ROBO2: variants seen among roughly 807,000 people sequenced by gnomAD.
ROBO2 encodes the protein roundabout guidance receptor 2.
Under a neutral mutation model 160.8 loss-of-function variants are expected in ROBO2, and 53 were observed. The observed-to-expected ratio is 0.33, with a 90% CI of 0.26 to 0.41. The LOEUF (loss-of-function observed/expected upper bound fraction) is 0.41. ROBO2 is among the 10% of genes least tolerant of loss of function. ROBO2 has a pLI of 1.00. For synonymous variants in ROBO2, 664 were observed against 611.7 expected (o/e 1.09, Z -1.26); for missense variants, 1,577 against 1,722.4 (o/e 0.92, Z 1.49).
chr3:77,450,618 G>A (rs1377650390), intron 2 of ROBO2, among the ~76,000 whole-genome samples: 1 of 152,014 alleles, frequency 6.6e-6, no homozygotes, highest in African/African-American at 2.4e-5. Flanking sequence ...ATATGAAAAA[G>A]TTTTAAATAT....
chr3:76,837,560 G>A (rs2067815468), intron 2 of ROBO2, among the ~76,000 whole-genome samples: 1 of 149,822 alleles, frequency 6.7e-6, no homozygotes, highest in Non-Finnish European at 1.5e-5. Flanking sequence ...TTGCAGTAGT[G>A]CAATTAGCTC....
intron 1 of ROBO2, among the ~76,000 whole-genome samples, chr3:75,907,582 C>T (rs1946401689): frequency 6.6e-6 from 1 of 152,092 alleles, no homozygotes; most frequent in Admixed American, 6.5e-5. Flanking sequence ...ACTTCATCTC[C>T]TCTTTATCCT....
chr3:77,269,777 C>T (rs944669444), intron 2 of ROBO2, among the ~76,000 whole-genome samples: 2 of 152,032 alleles, frequency 1.3e-5, no homozygotes, highest in African/African-American at 4.8e-5. Flanking sequence ...TTCTGCTTAC[C>T]ATGTATTCAA....
At position 77,002,688 on chromosome 3, in the gene ROBO2, T is replaced by C. The variant is rs2061391938; in HGVS notation, c.110-95326T>C. 1.3e-5 allele frequency among the ~76,000 whole-genome samples: 2 copies of C among 152,134 alleles called. 1 individual carries two copies. The highest frequency in any genetic ancestry group is 4.1e-4 in the South Asian group (2 of 4,830). On this transcript the variant is annotated intron_variant, in intron 2 of 26. Coordinates refer to the ROBO2 transcript ENST00000487694. ...CAAATAATTTCAATTTGGATTTTAGTCTTCAATGATATCTTTTTGTCTCAG... is the reference window on the plus strand; with the variant it reads ...CAAATAATTTCAATTTGGATTTTAGCCTTCAATGATATCTTTTTGTCTCAG...
At chr3:76,121,881 G>C (rs1312860132) in intron 2 of ROBO2, among the ~76,000 whole-genome samples, 1 of 152,124 alleles carries the variant, frequency 6.6e-6, no homozygotes, top group East Asian at 1.9e-4. Context: ...CAGCCAAATA[G>C]ACTCTCTGAA....
At chr3:76,978,943 TTAA>T (rs2059949464) in intron 2 of ROBO2, among the ~76,000 whole-genome samples, 8 of 145,566 alleles carry the variant, frequency 5.5e-5, no homozygotes, top group East Asian at 2.0e-4. Context: ...TGTTTGTTTT[TTAA>T]AAAAAAAAAA....
At chr3:76,421,680 C>T (rs893094909) in intron 2 of ROBO2, among the ~76,000 whole-genome samples, 17 of 151,586 alleles carry the variant, frequency 1.1e-4, no homozygotes, top group Admixed American at 9.2e-4. Context: ...AAGCAGAGAT[C>T]GTGCCATTAC....
chr3:77,125,228 T>C (rs114255978), intron 2 of ROBO2, among the ~76,000 whole-genome samples: 79 of 152,250 alleles, frequency 5.2e-4, no homozygotes, highest in African/African-American at 1.7e-3. Context: ...ATAGTTGTGG[T>C]CTGTCTGCAC....
chr3:76,439,864 C>G (rs545464796), intron 2 of ROBO2, among the ~76,000 whole-genome samples: 1 of 152,158 alleles, frequency 6.6e-6, no homozygotes. Flanking sequence ...TTCACACTCC[C>G]ACGATGGGTA....
intron 2 of ROBO2, among the ~76,000 whole-genome samples, chr3:76,959,633 T>A (rs536613289): frequency 6.6e-6 from 1 of 152,188 alleles, no homozygotes; most frequent in South Asian, 2.1e-4. Flanking sequence ...AGATTAATGA[T>A]ACGAGTGCAT....
At position 76,584,351 on chromosome 3, in the gene ROBO2, G is replaced by A. The variant is rs913700695; in HGVS notation, c.110-513663G>A. Among the ~76,000 whole-genome samples the A allele has an allele frequency of 4.6e-5, 7 of 152,072 alleles. No homozygotes were observed. In the East Asian group the frequency reaches 5.8e-4, roughly 13 times the overall value. On this transcript the variant is annotated intron_variant, in intron 2 of 26. Transcript: ENST00000487694. ...TTCCCCCCCAGAATCATATATTGAA[G>A]TCTCAACTCCTAGTACTTCAGAATG... is the stretch of plus-strand genomic sequence containing the variant.
At chr3:76,146,697 G>GGTGTGTGT (rs139527329) in intron 2 of ROBO2, among the ~76,000 whole-genome samples, 243 of 136,502 alleles carry the variant, frequency 1.8e-3, no homozygotes, top group African/African-American at 3.9e-3. Context: ...GATTACATAG[G>GGTGTGTGT]GTGTGTGTGT....
chr3:77,584,969 C>T (rs550814732), intron 16 of ROBO2, among the ~76,000 whole-genome samples: 28 of 146,452 alleles, frequency 1.9e-4, no homozygotes, highest in African/African-American at 6.2e-4. Context: ...TATATACACA[C>T]ATATATATAT....
intron 2 of ROBO2, among the ~76,000 whole-genome samples, chr3:77,449,910 T>C (rs1357447453): frequency 6.6e-6 from 1 of 152,154 alleles, no homozygotes; most frequent in African/African-American, 2.4e-5. Flanking sequence ...CAATGGGCTT[T>C]TTATTTTTAA....
At chr3:75,961,069 G>T (rs1203785418) in intron 2 of ROBO2, among the ~76,000 whole-genome samples, 3 of 151,554 alleles carry the variant, frequency 2.0e-5, no homozygotes, top group Non-Finnish European at 4.4e-5. Flanking sequence ...GAACTGAAGG[G>T]ATATAAAGGG....
chr3:77,002,549 T>G (rs1411002447), intron 2 of ROBO2, among the ~76,000 whole-genome samples: 1 of 151,996 alleles, frequency 6.6e-6, no homozygotes, highest in Non-Finnish European at 1.5e-5. Context: ...ATAGTCATGA[T>G]TCTACTTATA....
At chr3:77,573,222 A>G (rs2093680634) in intron 13 of ROBO2, among the ~76,000 whole-genome samples, 1 of 152,154 alleles carries the variant, frequency 6.6e-6, no homozygotes, top group African/African-American at 2.4e-5. Flanking sequence ...AAGTATTAAA[A>G]GATGCTTAAT....
At chr3:76,214,548 T>C (rs930894158) in intron 2 of ROBO2, among the ~76,000 whole-genome samples, 2 of 152,134 alleles carry the variant, frequency 1.3e-5, no homozygotes, top group African/African-American at 4.8e-5. Flanking sequence ...CCTAAGCCCA[T>C]GGAGCCTCAC....
At chr3:76,828,056 CA>C (rs2066734315) in intron 2 of ROBO2, among the ~76,000 whole-genome samples, 1 of 152,040 alleles carries the variant, frequency 6.6e-6, no homozygotes, top group Non-Finnish European at 1.5e-5. Context: ...CAGATCTGGA[CA>C]GGGAAATAAA....
Sources: allele counts gnomAD v4.1 joint callset (sites outside exome capture counted in the v4.1 genomes callset), GRCh38; gene constraint gnomAD v4.1.1; transcripts MANE v1.5; gene names NCBI Gene and HGNC (gene_info 2026-07-23, HGNC 2026-07-21).